Variants in NAA15 observed in about 807,000 individuals in gnomAD.
The protein encoded by NAA15 is N-terminal acetyltransferase.
In NAA15, 34 loss-of-function variants were observed where a neutral mutation model predicts 114.0. The observed-to-expected ratio is 0.30, with a 90% CI of 0.23 to 0.40. The LOEUF is 0.40. NAA15 is among the 10% of genes least tolerant of loss of function. The pLI, the probability that NAA15 is intolerant of heterozygous loss-of-function variation, is 1.00. For synonymous variants in NAA15, 340 were observed against 338.0 expected, an observed-to-expected ratio of 1.01 and a Z score of -0.06; for missense variants, 658 against 1,004.5, an observed-to-expected ratio of 0.66 and a Z score of 4.66.
chr4:139,377,836 A>G (rs1748633566), intron 16 of NAA15, among the ~76,000 whole-genome samples: 1 of 152,194 alleles, frequency 6.6e-6, no homozygotes, highest in Non-Finnish European at 1.5e-5. Context: ...CAGTTAATAC[A>G]ACTCCCACTT....
At chr4:139,301,894 C>G in intron 1 of NAA15, 63 bp downstream of exon 1, 1 of 1,520,206 alleles carries the variant, frequency 6.6e-7, no homozygotes, top group Non-Finnish European at 8.9e-7. Flanking sequence ...CCTGTCACCC[C>G]TAACCTCGGC....
rs773285130 is a variant in NAA15 at position 139,315,006 on chromosome 4, T to TTTAGTTTAGTTTAGTTTAGTTTAGG, written c.54+13179_54+13180insTTTAGTTTAGTTTAGTTTAGGTTAG. On this transcript the variant is annotated intron_variant, in intron 1 of 19. Transcript: ENST00000296543. ...AAGCGTTCAGTTCAGTTCAGTTTAG[T>TTTAGTTTAGTTTAGTTTAGTTTAGG]TTAGGTTAGGTTAGGTTAGGTTAGG... Among the ~76,000 whole-genome samples, 27 of 101,552 alleles carry TTTAGTTTAGTTTAGTTTAGTTTAGG rather than the reference T, an allele frequency of 2.7e-4. 1 individual carries two copies. The South Asian group carries it at 6.9e-3, about 26-fold the overall frequency. The allele number at this position is 101,552 out of a possible 152,430, so 66.6% of individuals were successfully genotyped here. A position where few individuals can be genotyped will look rare whatever the true frequency, so the allele number is the denominator to read the frequency against.
chr4:139,384,086 C>T (rs569002335), intron 17 of NAA15, among the ~76,000 whole-genome samples: 1 of 152,162 alleles, frequency 6.6e-6, no homozygotes, highest in South Asian at 2.1e-4. Flanking sequence ...TTTGTCATCT[C>T]CTTTGCTTAC....
chr4:139,316,517 T>C (rs1255630936), intron 1 of NAA15, among the ~76,000 whole-genome samples: 3 of 151,962 alleles, frequency 2.0e-5, no homozygotes, highest in Non-Finnish European at 4.4e-5. Flanking sequence ...TGAGGTGTTC[T>C]TTTATGTCTG....
intron 14 of NAA15, among the ~76,000 whole-genome samples, chr4:139,367,727 C>G (rs1434145124): frequency 1.3e-5 from 2 of 152,152 alleles, no homozygotes; most frequent in African/African-American, 4.8e-5. Flanking sequence ...ATTTTTTGAT[C>G]TTTGCCCAGC....
At chr4:139,383,329 C>T (rs546967431) in intron 17 of NAA15, among the ~76,000 whole-genome samples, 1 of 152,306 alleles carries the variant, frequency 6.6e-6, no homozygotes, top group Admixed American at 6.5e-5. Flanking sequence ...TGGATCCATA[C>T]CCAAGTCTAA....
At chr4:139,328,270 G>A (rs935590411) in intron 1 of NAA15, among the ~76,000 whole-genome samples, 88 of 152,192 alleles carry the variant, frequency 5.8e-4, no homozygotes, top group African/African-American at 2.0e-3. Flanking sequence ...GCAGTGGCAC[G>A]ATCTTGGCTA....
chr4:139,375,799 T>C (rs1748564069), intron 15 of NAA15, among the ~76,000 whole-genome samples: 1 of 151,042 alleles, frequency 6.6e-6, no homozygotes, highest in African/African-American at 2.5e-5. Context: ...GACATTTATG[T>C]AATTAATAAA....
intron 6 of NAA15, among the ~76,000 whole-genome samples, chr4:139,344,591 AAAGT>A (rs1361881135): frequency 1.7e-4 from 26 of 152,354 alleles, no homozygotes; most frequent in South Asian, 4.1e-4. Flanking sequence ...TTCTTTAAAT[AAAGT>A]ATCTTTGTAT....
chr4:139,386,208 C>T lies in NAA15; in HGVS notation c.2378C>T (p.Ser793Phe). ...AIELATTLDE[S>F]LTNRNLQTCM... ...GAGTTGGCAACAACACTTGATGAATCTCTCACTAACAGAAACCTCCAGGTA... is the reference window on the plus strand; with the variant it reads ...GAGTTGGCAACAACACTTGATGAATTTCTCACTAACAGAAACCTCCAGGTA... The change falls in exon 19 of 20, where the codon TCT becomes TTT. Residue 793 changes from serine (S) to phenylalanine (F), a missense_variant. Coordinates refer to ENST00000296543, the MANE Select transcript of NAA15 (RefSeq NM_057175.5). 1 of 1,605,532 alleles carries T rather than the reference C, an allele frequency of 6.2e-7. No homozygotes were observed. The highest frequency in any genetic ancestry group is 1.7e-4 in the Middle Eastern group (1 of 6,044).
intron 18 of NAA15, 150 bp downstream of exon 18, chr4:139,385,128 C>T: frequency 1.7e-6 from 1 of 597,882 alleles, no homozygotes; most frequent in South Asian, 5.9e-5. Flanking sequence ...CTTAAATAAG[C>T]TTCCTAAGCT....
intron 9 of NAA15, among the ~76,000 whole-genome samples, chr4:139,353,565 A>G (rs1181419938): frequency 6.6e-6 from 1 of 152,230 alleles, no homozygotes; most frequent in Non-Finnish European, 1.5e-5. Flanking sequence ...GGACCTAACA[A>G]ACTCTCAGAG....
intron 3 of NAA15, among the ~76,000 whole-genome samples, chr4:139,337,370 C>G (rs1157759489): frequency 2.0e-5 from 3 of 152,096 alleles, no homozygotes; most frequent in Non-Finnish European, 1.5e-5. Flanking sequence ...AGAGCACAAG[C>G]TTTTGGAGTA....
At chr4:139,365,034 A>C (rs970322269) in intron 14 of NAA15, among the ~76,000 whole-genome samples, 20 of 151,858 alleles carry the variant, frequency 1.3e-4, no homozygotes, top group African/African-American at 4.8e-4. Context: ...GATAAATTTT[A>C]ATATTTATTT....
At chr4:139,317,718 T>G (rs1316013938) in intron 1 of NAA15, among the ~76,000 whole-genome samples, 3 of 152,232 alleles carry the variant, frequency 2.0e-5, no homozygotes, top group Non-Finnish European at 4.4e-5. Flanking sequence ...AATATTTGTG[T>G]TTGCTTTAAA....
chr4:139,322,416 C>A (rs910827958), intron 1 of NAA15, among the ~76,000 whole-genome samples: 2 of 152,210 alleles, frequency 1.3e-5, no homozygotes, highest in Non-Finnish European at 2.9e-5. Context: ...GTAAATTGCC[C>A]AGTCTCAGGT....
intron 9 of NAA15, 86 bp from the exon 10 acceptor site, chr4:139,353,940 G>A: frequency 9.7e-7 from 1 of 1,033,156 alleles, no homozygotes; most frequent in Non-Finnish European, 1.5e-6. Context: ...TTTATTTAGT[G>A]TTTTAGTAGA....
Position 139,351,510 on chromosome 4 carries a change from A to C in NAA15, c.913A>C (p.Lys305Gln). 6.3e-7 allele frequency: 1 copy of C among 1,575,614 alleles called. No individual in the cohort carries two copies. Among genetic ancestry groups the C allele is most frequent in the Non-Finnish European group, 8.7e-7 (1 of 1,146,514 alleles). The change falls in exon 9 of 20, where the codon AAG becomes CAG. Residue 305 changes from lysine to glutamine, a missense_variant. Lys to Gln is a moderately conservative substitution (Grantham distance 53, BLOSUM62 1). Coordinates refer to ENST00000296543, the MANE Select transcript of NAA15 (RefSeq NM_057175.5). ...AAGGATTTTTCTCTTCCAAGGTGAG[A>C]AGTTTAAAGAATGTTTGGATAAGTT... ...RLPLNFLSGEKFKECLDKFLR... is the reference protein window; with the variant it reads ...RLPLNFLSGEQFKECLDKFLR...
chr4:139,317,067 C>T (rs898792564), intron 1 of NAA15, among the ~76,000 whole-genome samples: 2 of 151,818 alleles, frequency 1.3e-5, no homozygotes, highest in African/African-American at 4.8e-5. Context: ...CCAGTACTTT[C>T]TCTCAGATGG....
Sources: gnomAD v4.1 joint callset for allele counts (sites outside exome capture counted in the v4.1 genomes callset) on GRCh38, gnomAD v4.1.1 for gene constraint, MANE v1.5 for transcripts, NCBI Gene and HGNC (gene_info 2026-07-23, HGNC 2026-07-21) for gene names.